SORCS3: variants seen among roughly 807,000 people sequenced by gnomAD.
SORCS3 encodes the protein sortilin related VPS10 domain containing receptor 3.
SORCS3 carries 57 observed loss-of-function variants against 146.3 expected under a neutral mutation model. The observed-to-expected ratio is 0.39, with a 90% confidence interval of 0.31 to 0.49. The LOEUF (loss-of-function observed/expected upper bound fraction) is 0.49. Among genes scored for constraint, SORCS3 ranks in the 20% least tolerant of loss-of-function variants. The pLI, the probability that SORCS3 is intolerant of heterozygous loss-of-function variation, is 0.92. For missense variants in SORCS3, 1,341 were observed against 1,575.5 expected, an observed-to-expected ratio of 0.85 and a Z score of 2.52; for synonymous variants, 653 against 618.5, an observed-to-expected ratio of 1.06 and a Z score of -0.83.
intron 1 of SORCS3, among the ~76,000 whole-genome samples, chr10:104,834,243 A>G (rs1431035778): frequency 1.3e-5 from 2 of 152,160 alleles, no homozygotes; most frequent in African/African-American, 4.8e-5. Context: ...TAAGTCCTCC[A>G]TGTAAATCCT....
chr10:104,982,642 C>T (rs936992691), intron 4 of SORCS3, among the ~76,000 whole-genome samples: 8 of 152,192 alleles, frequency 5.3e-5, no homozygotes, highest in African/African-American at 1.9e-4. Context: ...AGAGAAATAT[C>T]TCTAGCTCTG....
At chr10:105,191,706 C>T (rs2056517940) in intron 14 of SORCS3, among the ~76,000 whole-genome samples, 2 of 152,206 alleles carry the variant, frequency 1.3e-5, no homozygotes, top group South Asian at 2.1e-4. Context: ...CACCTCAGAT[C>T]ATCAGGCATT....
chr10:104,651,527 C>T (rs1352845808), intron 1 of SORCS3, among the ~76,000 whole-genome samples: 2 of 113,754 alleles, frequency 1.8e-5, no homozygotes, highest in South Asian at 3.5e-4. Context: ...AACCTCCGGG[C>T]TCTACTAAAA....
intron 26 of SORCS3, among the ~76,000 whole-genome samples, chr10:105,262,904 G>T (rs533833554): frequency 2.6e-4 from 39 of 152,178 alleles, no homozygotes; most frequent in African/African-American, 9.4e-4. Context: ...ATTCCTGATC[G>T]GTGAAATGGG....
intron 2 of SORCS3, among the ~76,000 whole-genome samples, chr10:104,893,042 C>A (rs955408047): frequency 1.3e-5 from 2 of 152,100 alleles, no homozygotes; most frequent in Admixed American, 1.3e-4. Flanking sequence ...GAAGGAGCTA[C>A]CCTCTCTCAG....
At chr10:104,730,903 G>C (rs2016698932) in intron 1 of SORCS3, among the ~76,000 whole-genome samples, 1 of 152,204 alleles carries the variant, frequency 6.6e-6, no homozygotes, top group Non-Finnish European at 1.5e-5. Context: ...TTGACACATG[G>C]AGATTATTAC....
At chr10:105,155,504 T>C (rs2056200854) in intron 9 of SORCS3, among the ~76,000 whole-genome samples, 1 of 152,218 alleles carries the variant, frequency 6.6e-6, no homozygotes, top group Non-Finnish European at 1.5e-5. Context: ...AACAGAACAC[T>C]GAAAGGCCTC....
intron 4 of SORCS3, among the ~76,000 whole-genome samples, chr10:105,016,255 A>C (rs1488834850): frequency 6.8e-6 from 1 of 147,230 alleles, no homozygotes; most frequent in African/African-American, 2.5e-5. Flanking sequence ...AGGTTAAAGC[A>C]ATTCTCCTGC....
intron 2 of SORCS3, among the ~76,000 whole-genome samples, chr10:104,857,860 C>A (rs1183774282): frequency 6.6e-6 from 1 of 152,162 alleles, no homozygotes; most frequent in African/African-American, 2.4e-5. Flanking sequence ...AAGAAAGTGA[C>A]GTGACTTCTT....
At chr10:105,079,991 G>T (rs1017600722) in intron 5 of SORCS3, among the ~76,000 whole-genome samples, 1 of 152,064 alleles carries the variant, frequency 6.6e-6, no homozygotes, top group Non-Finnish European at 1.5e-5. Context: ...CCATATCTTT[G>T]CTATTGTGAA....
chr10:104,986,790 C>T (rs1329028453), intron 4 of SORCS3, among the ~76,000 whole-genome samples: 1 of 152,086 alleles, frequency 6.6e-6, no homozygotes, highest in East Asian at 1.9e-4. Flanking sequence ...TTAAGTGAAC[C>T]ATTTTCTACA....
intron 6 of SORCS3, among the ~76,000 whole-genome samples, chr10:105,102,648 A>C (rs1395484355): frequency 6.6e-6 from 1 of 152,160 alleles, no homozygotes; most frequent in Non-Finnish European, 1.5e-5. Context: ...GCCTATGCAC[A>C]TGTGCATCCT....
At chr10:104,985,890 G>A (rs967091409) in intron 4 of SORCS3, among the ~76,000 whole-genome samples, 1 of 152,178 alleles carries the variant, frequency 6.6e-6, no homozygotes, top group African/African-American at 2.4e-5. Flanking sequence ...CTGTCATGCA[G>A]GCTTTGCTGG....
chr10:105,049,019 A>T (rs1394733164), intron 5 of SORCS3, among the ~76,000 whole-genome samples: 1 of 152,090 alleles, frequency 6.6e-6, no homozygotes, highest in Non-Finnish European at 1.5e-5. Context: ...GATCATAAGT[A>T]ATGGTTTTAT....
chr10:104,913,204 T>C (rs576982861), intron 2 of SORCS3, among the ~76,000 whole-genome samples: 29 of 151,882 alleles, frequency 1.9e-4, no homozygotes, highest in African/African-American at 6.8e-4. Flanking sequence ...GGTAGAAAAA[T>C]AGCCTGGTAA....
At chr10:105,050,025 A>C (rs1291210245) in intron 5 of SORCS3, among the ~76,000 whole-genome samples, 1 of 138,488 alleles carries the variant, frequency 7.2e-6, no homozygotes, top group Non-Finnish European at 1.5e-5. Flanking sequence ...GTGTATGTGT[A>C]TATATATACA....
intron 5 of SORCS3, among the ~76,000 whole-genome samples, chr10:105,055,699 G>T (rs1564743838): frequency 6.6e-6 from 1 of 152,154 alleles, no homozygotes; most frequent in Non-Finnish European, 1.5e-5. Flanking sequence ...AAGCAAGTTA[G>T]AAAGCATCTG....
intron 5 of SORCS3, among the ~76,000 whole-genome samples, chr10:105,045,017 A>T: frequency 9.2e-6 from 1 of 108,924 alleles, no homozygotes; most frequent in East Asian, 3.0e-4. Flanking sequence ...GAAGTCCAGA[A>T]TTCGAAAAAA....
intron 3 of SORCS3, among the ~76,000 whole-genome samples, chr10:104,972,830 T>A (rs1317169287): frequency 1.3e-5 from 2 of 152,124 alleles, no homozygotes; most frequent in Non-Finnish European, 2.9e-5. Context: ...TGGCTGTGGG[T>A]TTGTCATAGA....
Sources: allele counts gnomAD v4.1 joint callset (sites outside exome capture counted in the v4.1 genomes callset), GRCh38; gene constraint gnomAD v4.1.1; transcripts MANE v1.5; gene names NCBI Gene and HGNC (gene_info 2026-07-23, HGNC 2026-07-21).